The following ZNF16 variants were observed in gnomAD, a reference collection of about 807,000 sequenced individuals.
ZNF16 encodes zinc finger protein 16.
Under a neutral mutation model 9.0 loss-of-function variants are expected in ZNF16, and 7 were observed. The ratio of observed to expected loss-of-function variants is 0.78; its 90% confidence interval spans 0.44 to 1.47. The LOEUF (loss-of-function observed/expected upper bound fraction) is 1.47, where lower values mean the gene tolerates loss of function less well. Among genes scored for constraint, ZNF16 ranks in the 40% most tolerant of loss-of-function variants. ZNF16 has a pLI of 0.01. For synonymous variants in ZNF16, 312 were observed against 301.5 expected, an observed-to-expected ratio of 1.03 and a Z score of -0.36; for missense variants, 830 against 854.2, an observed-to-expected ratio of 0.97 and a Z score of 0.35.
At chr8:144,937,561 A>G (rs1833714074) in intron 2 of ZNF16, among the ~76,000 whole-genome samples, 1 of 152,186 alleles carries the variant, frequency 6.6e-6, no homozygotes, top group Non-Finnish European at 1.5e-5. Flanking sequence ...TGCCAAATCC[A>G]AGATTGGGAA....
intron 2 of ZNF16, among the ~76,000 whole-genome samples, chr8:144,935,148 A>C (rs946333444): frequency 3.3e-5 from 5 of 152,318 alleles, no homozygotes; most frequent in South Asian, 2.1e-4. Context: ...GTGGGGAAAA[A>C]ATGAGTTCCT....
At chr8:144,943,583 G>A (rs115149325) in intron 2 of ZNF16, among the ~76,000 whole-genome samples, 3,607 of 151,712 alleles carry the variant, frequency 0.024, 114 homozygotes, top group African/African-American at 0.071. Context: ...ACAGTGGCAC[G>A]ATTTCGGCTC....
chr8:144,946,176 C>A lies in ZNF16; in HGVS notation c.31G>T (p.Ala11Ser). ...CCTGGAACTGAGAGCTCCATCTCTG[C>A]CTCCTCACGGCGAGTTCTGAGGCTG... The part of the protein sequence containing the change: MPSLRTRREE[A>S]EMELSVPGPS... The change falls in exon 2 of 3, where the codon GCA becomes TCA. Residue 11 changes from alanine to serine, a missense_variant. Coordinates refer to ENST00000394909, the MANE Select transcript of ZNF16 (RefSeq NM_006958.3). 6.5e-7 allele frequency: 1 copy of A among 1,542,178 alleles called. No individual in the cohort carries two copies. Among genetic ancestry groups the A allele is most frequent in the South Asian group, 1.2e-5 (1 of 81,236 alleles).
chr8:144,947,822 G>T (rs1834000542), intron 1 of ZNF16: 1 of 152,514 alleles, frequency 6.6e-6, no homozygotes, highest in Non-Finnish European at 1.5e-5. Flanking sequence ...GTGAGCAGGA[G>T]AGAGGACACT....
Position 144,932,869 on chromosome 8 carries a change from C to T in ZNF16, c.197-279G>A, listed in dbSNP as rs73381229. Among the ~76,000 whole-genome samples, 10,775 of 152,186 alleles carry T rather than the reference C, an allele frequency of 0.071. 1,035 individuals are homozygous for T. The highest frequency in any genetic ancestry group is 0.22 in the African/African-American group (9,305 of 41,440). On this transcript the variant is annotated intron_variant, in intron 2 of 2. Coordinates refer to ENST00000394909, the MANE Select transcript of ZNF16 (RefSeq NM_006958.3). This position sits in a 1 kb window ranked among gnomAD's most constrained non-coding sequence, Gnocchi z 5.0. Reference sequence around the variant, plus strand: ...AACGTTACTGCGGTCTACCTTCTGGCTCAGGCCAAAATCCTGGCTGTCCCT... The same window carrying T: ...AACGTTACTGCGGTCTACCTTCTGGTTCAGGCCAAAATCCTGGCTGTCCCT...
In ZNF16 at chr8:144,931,614, G is replaced by A. The variant is rs1399453717; in HGVS notation, c.1173C>T (p.His391=). 2.5e-6 allele frequency: 4 copies of A among 1,614,060 alleles called. No individual in the cohort carries two copies. Among genetic ancestry groups the A allele is most frequent in the Non-Finnish European group, 3.4e-6 (4 of 1,180,004 alleles). ...ECGKAFSQSA[H]LRKHQRVHTG... The stretch of plus-strand genomic sequence containing the variant: ...TGTGGACCCTCTGGTGCTTCCTCAG[G>A]TGTGCACTCTGGCTGAAGGCTTTCC... The change falls in exon 3 of 3, where the codon CAC becomes CAT. Residue 391 remains histidine (H), a synonymous_variant. Coordinates refer to ENST00000394909, the MANE Select transcript of ZNF16 (RefSeq NM_006958.3).
In ZNF16 at chr8:144,932,391, C is replaced by T; in HGVS notation, c.396G>A (p.Gln132=). The T allele has an allele frequency of 6.2e-7, 1 of 1,614,200 alleles. No individual in the cohort carries two copies. The highest frequency in any genetic ancestry group is 8.5e-7 in the Non-Finnish European group (1 of 1,180,020). ...TGGCAGCTGGTGTGAAGTCCCCCTC[C>T]TGGGAGAGGGACTGTGGCAGCCTCC... is the stretch of plus-strand genomic sequence containing the variant. ...EGRRLPQSLS[Q]EGDFTPAAMG... is the part of the protein sequence containing the mutation. The change falls in exon 3 of 3, where the codon CAG becomes CAA. Residue 132 remains glutamine, a synonymous_variant. Transcript: ENST00000394909. This position sits in a 1 kb window ranked among gnomAD's most constrained non-coding sequence, Gnocchi z 5.0.
rs150802357 is a variant in ZNF16 at position 144,933,212 on chromosome 8, G to C, written c.197-622C>G. Among the ~76,000 whole-genome samples the C allele has an allele frequency of 3.9e-3, 592 of 152,222 alleles. 4 individuals carry two copies. Among genetic ancestry groups the C allele is most frequent in the African/African-American group, 0.013 (542 of 41,524 alleles). ...GCTGGCTCTCAGGGCCTGGCAAGTT[G>C]AGTTGCATGGAGGCATCATTCAACC... On this transcript the variant is annotated intron_variant, in intron 2 of 2. Coordinates refer to ENST00000394909, the MANE Select transcript of ZNF16 (RefSeq NM_006958.3). This position sits in a 1 kb window ranked among gnomAD's most constrained non-coding sequence, Gnocchi z 5.6.
At position 144,932,656 on chromosome 8, in the gene ZNF16, C is replaced by T. The variant is rs1363400396; in HGVS notation, c.197-66G>A. ...CAGCAGGAGCAGGAACATAGACAGT[C>T]ACAGTTGCACCCACTAACTGTGGAG... On this transcript the variant is annotated intron_variant, in intron 2 of 2. Coordinates refer to ENST00000394909, the MANE Select transcript of ZNF16 (RefSeq NM_006958.3). This position sits in a 1 kb window ranked among gnomAD's most constrained non-coding sequence, Gnocchi z 5.0. 1 of 1,534,248 alleles carries T rather than the reference C, an allele frequency of 6.5e-7. No individual in the cohort carries two copies. The highest frequency in any genetic ancestry group is 1.2e-5 in the South Asian group (1 of 80,302).
intron 2 of ZNF16, among the ~76,000 whole-genome samples, chr8:144,940,060 T>C (rs1490205328): frequency 6.6e-6 from 1 of 152,184 alleles, no homozygotes; most frequent in Non-Finnish European, 1.5e-5. Flanking sequence ...ATTTATACTT[T>C]TAAATCTGAC....
At position 144,931,243 on chromosome 8, in the gene ZNF16, T is replaced by C; in HGVS notation, c.1544A>G (p.Lys515Arg). The C allele has an allele frequency of 6.2e-7, 1 of 1,613,958 alleles. No individual in the cohort carries two copies. Among genetic ancestry groups the C allele is most frequent in the Non-Finnish European group, 8.5e-7 (1 of 1,179,984 alleles). ...IQHQGVHTGD[K>R]PYACHECGKT... ...CCCACACTCGTGGCAGGCGTAGGGC[T>C]TGTCGCCTGTGTGCACGCCCTGGTG... Residue 515 changes from lysine (K) to arginine (R), a missense_variant, in exon 3 of 3, where the codon AAG becomes AGG. Lys to Arg is a conservative substitution (Grantham distance 26). Coordinates refer to ENST00000394909, the MANE Select transcript of ZNF16 (RefSeq NM_006958.3).
At chr8:144,948,761 T>C (rs1301431579) in intron 1 of ZNF16, among the ~76,000 whole-genome samples, 2 of 152,168 alleles carry the variant, frequency 1.3e-5, no homozygotes, top group African/African-American at 4.8e-5. Flanking sequence ...ACACCTTATT[T>C]TTCTCACTTC....
At chr8:144,949,354 AG>A (rs1834035901) in intron 1 of ZNF16, among the ~76,000 whole-genome samples, 1 of 152,342 alleles carries the variant, frequency 6.6e-6, no homozygotes, top group African/African-American at 2.4e-5. Context: ...AGCTCTGCTC[AG>A]TGCATCTCTG....
chr8:144,950,708 GCCCTGAGAGGCCCCTGGGCCC>G (rs1017866615), intron 1 of ZNF16, 68 bp downstream of exon 1: 1 of 151,672 alleles, frequency 6.6e-6, no homozygotes, highest in African/African-American at 2.4e-5. Flanking sequence ...CCCCGTCTGA[GCCCTGAGAGGCCCCTGGGCCC>G]CCCAACCACG....
chr8:144,939,376 G>A (rs547398263), intron 2 of ZNF16, among the ~76,000 whole-genome samples: 10 of 152,010 alleles, frequency 6.6e-5, no homozygotes, highest in Non-Finnish European at 1.2e-4. Context: ...AGGCCGAGGC[G>A]GGTGGATTGC....
intron 1 of ZNF16, among the ~76,000 whole-genome samples, chr8:144,947,054 G>A (rs556712324): frequency 8.3e-6 from 1 of 120,170 alleles, no homozygotes; most frequent in African/African-American, 3.5e-5. Flanking sequence ...TTGGGCCTGT[G>A]TCCTGCTGTG....
intron 2 of ZNF16, chr8:144,944,866 C>T (rs1291203356): frequency 3.9e-5 from 6 of 152,160 alleles, no homozygotes; most frequent in African/African-American, 1.4e-4. Context: ...AGCTTGTGTT[C>T]AACCAGTGTT....
intron 2 of ZNF16, chr8:144,945,731 T>C: frequency 2.9e-6 from 1 of 349,886 alleles, no homozygotes; most frequent in Non-Finnish European, 5.0e-6. Flanking sequence ...GTTGTTGAAT[T>C]GGGAAGGGGT....
rs773321314 is a variant in ZNF16, at chr8:144,931,298, C to A, written c.1489G>T (p.Ala497Ser). Residue 497 changes from alanine to serine, a missense_variant, in exon 3 of 3, where the codon GCC (alanine) becomes TCC (serine). Transcript: ENST00000394909. ...KPYRCSVCGK[A>S]FSHSSALIQH... ...ATGAGGGCTGAGCTGTGGCTGAAGG[C>A]CTTCCCACAGACACTGCATCTGTAC... 6.2e-7 allele frequency: 1 copy of A among 1,614,164 alleles called. No individual in the cohort carries two copies. Among genetic ancestry groups the A allele is most frequent in the East Asian group, 2.2e-5 (1 of 44,884 alleles).
Sources: gnomAD v4.1 joint callset for allele counts (sites outside exome capture counted in the v4.1 genomes callset) on GRCh38, gnomAD v4.1.1 for gene constraint, Gnocchi (gnomAD v3.1) non-coding constraint, MANE v1.5 for transcripts, NCBI Gene and HGNC (gene_info 2026-07-23, HGNC 2026-07-21) for gene names.